KATNAL2: variants seen among roughly 807,000 people sequenced by gnomAD.
KATNAL2 encodes the protein katanin p60 ATPase-containing subunit A-like 2.
KATNAL2 carries 52 observed loss-of-function variants against 76.3 expected under a neutral mutation model. The ratio of observed to expected loss-of-function variants is 0.68; its 90% CI spans 0.55 to 0.86. The LOEUF (loss-of-function observed/expected upper bound fraction) is 0.86, where lower values mean the gene tolerates loss of function less well. KATNAL2 is among the 40% of genes least tolerant of loss of function. The probability of loss-of-function intolerance (pLI) is 0.00; values close to 1 mark genes in which losing one functional copy is unlikely to be tolerated. For synonymous variants in KATNAL2, 243 were observed against 244.2 expected (o/e 1.00, Z 0.05); for missense variants, 660 against 668.9 (o/e 0.99, Z 0.15).
intron 1 of KATNAL2, among the ~76,000 whole-genome samples, chr18:46,941,859 T>A (rs2059255211): frequency 6.6e-6 from 1 of 152,140 alleles, no homozygotes; most frequent in South Asian, 2.1e-4. Context: ...GCAAGTTACT[T>A]CTATAGAAGG....
intron 1 of KATNAL2, among the ~76,000 whole-genome samples, chr18:46,921,214 G>GC (rs1245544870): frequency 2.6e-5 from 4 of 152,122 alleles, no homozygotes; most frequent in East Asian, 1.9e-4. Context: ...TGCAACCTCT[G>GC]CCCCCCCGAA....
At chr18:47,090,470 C>T (rs2147357925) in intron 15 of KATNAL2, among the ~76,000 whole-genome samples, 1 of 152,174 alleles carries the variant, frequency 6.6e-6, no homozygotes, top group East Asian at 1.9e-4. Flanking sequence ...AGGGGGAATC[C>T]ACATCATATG....
rs139193632 is a variant in KATNAL2 at position 47,035,250 on chromosome 18, G to A, written c.52-11207G>A. 1.8e-5 allele frequency: 29 copies of A among 1,612,666 alleles called. No homozygotes were observed. In the African/African-American group the frequency reaches 3.3e-4, roughly 19 times the overall value. On this transcript the variant is annotated intron_variant, in intron 3 of 17. Transcript: ENST00000683218. ...GCTTCTCCACTGCGTGCAGCGTAGTGGACCCTGCCGCCATCTCACCAGAGC... is the reference window on the plus strand; with the variant it reads ...GCTTCTCCACTGCGTGCAGCGTAGTAGACCCTGCCGCCATCTCACCAGAGC...
intron 15 of KATNAL2, among the ~76,000 whole-genome samples, chr18:47,096,223 G>A (rs1169837896): frequency 6.6e-6 from 1 of 152,016 alleles, no homozygotes; most frequent in Non-Finnish European, 1.5e-5. Flanking sequence ...AAGAAATATT[G>A]TAACATAGAT....
chr18:47,074,297 G>T (rs377745236), intron 13 of KATNAL2, among the ~76,000 whole-genome samples: 3 of 152,322 alleles, frequency 2.0e-5, no homozygotes, highest in East Asian at 3.9e-4. Flanking sequence ...GGTATTTCCT[G>T]TTCAGTGACA....
At chr18:47,069,355 C>A in intron 12 of KATNAL2, 72 bp downstream of exon 12, 1 of 1,388,544 alleles carries the variant, frequency 7.2e-7, no homozygotes, top group South Asian at 1.2e-5. Context: ...CTTCTGTCCT[C>A]ACTTCAGGAC....
At chr18:47,033,502 T>G (rs747459171) in intron 3 of KATNAL2, 24 of 1,614,036 alleles carry the variant, frequency 1.5e-5, no homozygotes, top group Non-Finnish European at 1.9e-5. Flanking sequence ...CTGGAAACAA[T>G]GATTCCTCCG....
At chr18:46,946,815 G>A (rs1414099820) in intron 2 of KATNAL2, 39 bp from the exon 3 acceptor site, 2 of 1,508,950 alleles carry the variant, frequency 1.3e-6, no homozygotes, top group South Asian at 1.2e-5. Context: ...TGGATCGACC[G>A]GTCAGCCCAG....
At chr18:47,052,352 A>G (rs1268763677) in intron 4 of KATNAL2, among the ~76,000 whole-genome samples, 1 of 152,238 alleles carries the variant, frequency 6.6e-6, no homozygotes, top group Non-Finnish European at 1.5e-5. Context: ...ATGTTATCTT[A>G]TATGAAAGTT....
chr18:47,060,933 A>G (rs2061612759), intron 8 of KATNAL2, among the ~76,000 whole-genome samples: 4 of 152,244 alleles, frequency 2.6e-5, no homozygotes, highest in African/African-American at 4.8e-5. Context: ...TCTCTTGTGA[A>G]TGCCTCACAT....
At chr18:47,025,502 AGTGTGTGTGTGT>A (rs139200050) in intron 3 of KATNAL2, among the ~76,000 whole-genome samples, 826 of 143,618 alleles carry the variant, frequency 5.8e-3, no homozygotes, top group African/African-American at 0.02. Flanking sequence ...TCTCTCTCTC[AGTGTGTGTGTGT>A]GTGTGTGTGT....
At chr18:47,080,220 G>A (rs1223395327) in intron 15 of KATNAL2, among the ~76,000 whole-genome samples, 1 of 152,146 alleles carries the variant, frequency 6.6e-6, no homozygotes, top group African/African-American at 2.4e-5. Context: ...GGCAACCAAT[G>A]AGTCAGCCAT....
intron 3 of KATNAL2, among the ~76,000 whole-genome samples, chr18:46,951,236 G>T (rs78497219): frequency 1.3e-5 from 2 of 151,974 alleles, no homozygotes; most frequent in Non-Finnish European, 2.9e-5. Context: ...GTGCACTTTG[G>T]TTATATTTTA....
At chr18:47,062,600 G>A (rs949031500) in intron 8 of KATNAL2, among the ~76,000 whole-genome samples, 1 of 152,136 alleles carries the variant, frequency 6.6e-6, no homozygotes, top group Non-Finnish European at 1.5e-5. Context: ...ACAATCCATA[G>A]ACAGGAACTC....
At position 47,062,251 on chromosome 18, in the gene KATNAL2, G is replaced by A. The variant is rs368815882; in HGVS notation, c.550-721G>A. ...TTTTTTTAATTAGCCAAAAGTAGTG[G>A]CGCACATATGTAGTCCCAGCTCTTT... On this transcript the variant is annotated intron_variant, in intron 8 of 17. Coordinates refer to ENST00000683218, the MANE Select transcript of KATNAL2 (RefSeq NM_001387690.1). Among the ~76,000 whole-genome samples the A allele has an allele frequency of 1.4e-4, 21 of 152,132 alleles. No homozygotes were observed. In the East Asian group the frequency reaches 3.9e-3, roughly 28 times the overall value.
chr18:47,043,838 A>G (rs2061057944), intron 3 of KATNAL2, among the ~76,000 whole-genome samples: 1 of 152,112 alleles, frequency 6.6e-6, no homozygotes, highest in Admixed American at 6.6e-5. Flanking sequence ...AAAAAAATGT[A>G]CAGAAATGGA....
intron 4 of KATNAL2, among the ~76,000 whole-genome samples, chr18:47,051,012 A>T (rs759139834): frequency 6.6e-6 from 1 of 152,198 alleles, no homozygotes; most frequent in Non-Finnish European, 1.5e-5. Context: ...TTCTTCTATT[A>T]ATAGTCCTCC....
chr18:46,948,256 A>G (rs2059439129), intron 3 of KATNAL2, among the ~76,000 whole-genome samples: 1 of 151,584 alleles, frequency 6.6e-6, no homozygotes, highest in South Asian at 2.1e-4. Context: ...GACTGCAGTT[A>G]TGCGCCACCA....
intron 1 of KATNAL2, among the ~76,000 whole-genome samples, chr18:46,935,344 A>G (rs1417517004): frequency 2.6e-5 from 4 of 152,198 alleles, no homozygotes; most frequent in Admixed American, 2.0e-4. Context: ...AGGAAGCCCA[A>G]CAGGAAGTAA....
Sources: allele counts gnomAD v4.1 joint callset (sites outside exome capture counted in the v4.1 genomes callset), GRCh38; gene constraint gnomAD v4.1.1; transcripts MANE v1.5; gene names NCBI Gene and HGNC (gene_info 2026-07-23, HGNC 2026-07-21).